ENTREP2: variants seen among roughly 807,000 people sequenced by gnomAD.
ENTREP2 encodes the protein protein ENTREP2.
chr15:29,492,642 G>C, the ENTREP2 span, among the ~76,000 whole-genome samples: 5 of 152,110 alleles, frequency 3.3e-5, no homozygotes, highest in African/African-American at 1.2e-4. Context: ...TTCCCGATAG[G>C]AAATAAAAGG....
At chr15:29,574,517 C>T in the ENTREP2 span, among the ~76,000 whole-genome samples, 3 of 152,112 alleles carry the variant, frequency 2.0e-5, no homozygotes, top group Non-Finnish European at 2.9e-5. Context: ...TGGTCTAGAT[C>T]GCTTGACTTT....
the ENTREP2 span, among the ~76,000 whole-genome samples, chr15:29,175,477 A>C: frequency 6.6e-6 from 1 of 152,242 alleles, no homozygotes; most frequent in Non-Finnish European, 1.5e-5. Flanking sequence ...GCTTAAGGAA[A>C]AGAGCCCTAA....
At chr15:29,305,431 G>A in the ENTREP2 span, among the ~76,000 whole-genome samples, 1 of 152,198 alleles carries the variant, frequency 6.6e-6, no homozygotes, top group African/African-American at 2.4e-5. Flanking sequence ...TAGCGCCAGG[G>A]AGAGTATTTC....
chr15:29,442,656 G>A, the ENTREP2 span, among the ~76,000 whole-genome samples: 13 of 152,266 alleles, frequency 8.5e-5, no homozygotes, highest in South Asian at 2.7e-3. Context: ...GAGCCCACCT[G>A]GCCAAAGAGG....
chr15:29,246,973 GCACACACACACACA>G, the ENTREP2 span, among the ~76,000 whole-genome samples: 8 of 137,094 alleles, frequency 5.8e-5, no homozygotes, highest in Admixed American at 1.5e-4. Context: ...GACTGGAAAG[GCACACACACACACA>G]CACACACACA....
chr15:29,645,997 T>C, the ENTREP2 span, among the ~76,000 whole-genome samples: 1 of 152,206 alleles, frequency 6.6e-6, no homozygotes, highest in African/African-American at 2.4e-5. Context: ...CAGGTCACAC[T>C]GGAAGCAGGG....
chr15:29,196,724 AG>A, the ENTREP2 span: 1 of 643,910 alleles, frequency 1.6e-6, no homozygotes. Flanking sequence ...CTATTGACCC[AG>A]GCCATCAGGA....
the ENTREP2 span, among the ~76,000 whole-genome samples, chr15:29,560,826 T>A: frequency 6.6e-6 from 1 of 151,486 alleles, no homozygotes; most frequent in African/African-American, 2.4e-5. Flanking sequence ...CCACACACTG[T>A]CCATGGGAAA....
At chr15:29,428,914 A>C in the ENTREP2 span, among the ~76,000 whole-genome samples, 1 of 152,246 alleles carries the variant, frequency 6.6e-6, no homozygotes, top group Non-Finnish European at 1.5e-5. Context: ...ACAGAGAGGC[A>C]GCAGAATTTG....
chr15:29,568,492 G>C, the ENTREP2 span, among the ~76,000 whole-genome samples: 2 of 152,058 alleles, frequency 1.3e-5, no homozygotes, highest in Non-Finnish European at 2.9e-5. Flanking sequence ...AGGAGTTTGA[G>C]TTTGAATCCA....
the ENTREP2 span, among the ~76,000 whole-genome samples, chr15:29,207,764 C>G: frequency 3.3e-5 from 5 of 152,066 alleles, no homozygotes; most frequent in African/African-American, 7.2e-5. Context: ...CTCCAGAGCA[C>G]GAGGGACTGG....
the ENTREP2 span, among the ~76,000 whole-genome samples, chr15:29,510,481 A>G: frequency 6.6e-6 from 1 of 152,216 alleles, no homozygotes; most frequent in African/African-American, 2.4e-5. Flanking sequence ...TCACAATAGC[A>G]AAGACTTGGA....
the ENTREP2 span, among the ~76,000 whole-genome samples, chr15:29,518,434 T>TA: frequency 1.3e-5 from 2 of 152,176 alleles, no homozygotes; most frequent in African/African-American, 2.4e-5. Flanking sequence ...ATGACATTTC[T>TA]AAAAAAACAA....
the ENTREP2 span, among the ~76,000 whole-genome samples, chr15:29,273,754 C>T: frequency 6.6e-6 from 1 of 152,180 alleles, no homozygotes; most frequent in Non-Finnish European, 1.5e-5. Flanking sequence ...TGGTCTTCAT[C>T]TTTCTCTCAT....
At chr15:29,591,894 G>T in the ENTREP2 span, among the ~76,000 whole-genome samples, 1 of 118,540 alleles carries the variant, frequency 8.4e-6, no homozygotes, top group Non-Finnish European at 1.8e-5. Flanking sequence ...AGAAGAAGAA[G>T]AAGAGAGAAA....
chr15:29,139,810 T>C, the ENTREP2 span, among the ~76,000 whole-genome samples: 1 of 152,178 alleles, frequency 6.6e-6, no homozygotes, highest in Non-Finnish European at 1.5e-5. Flanking sequence ...ATCCTGCAAG[T>C]GGCGCTTGAC....
the ENTREP2 span, among the ~76,000 whole-genome samples, chr15:29,512,176 G>A: frequency 1.3e-5 from 2 of 151,848 alleles, no homozygotes; most frequent in Admixed American, 6.6e-5. Flanking sequence ...CCTTCCAAAG[G>A]CCCCTGGAAG....
the ENTREP2 span, among the ~76,000 whole-genome samples, chr15:29,659,760 T>A: frequency 6.6e-6 from 1 of 152,136 alleles, no homozygotes; most frequent in South Asian, 2.1e-4. Context: ...GCTGTTCATT[T>A]TTATTACCGT....
At chr15:29,144,856 A>G in the ENTREP2 span, among the ~76,000 whole-genome samples, 1 of 152,064 alleles carries the variant, frequency 6.6e-6, no homozygotes, top group Non-Finnish European at 1.5e-5. Context: ...CCTGCCCAAC[A>G]TGGTGAAACC....
Sources: gnomAD v4.1 joint callset for allele counts (sites outside exome capture counted in the v4.1 genomes callset) on GRCh38, gnomAD v4.1.1 for gene constraint, MANE v1.5 for transcripts, NCBI Gene and HGNC (gene_info 2026-07-23, HGNC 2026-07-21) for gene names.